Variants in HEATR4 observed in about 807,000 individuals in gnomAD.
The protein encoded by HEATR4 is HEAT repeat containing 4.
Under a neutral mutation model 108.8 loss-of-function variants are expected in HEATR4, and 95 were observed. The observed-to-expected ratio is 0.87, with a 90% CI of 0.74 to 1.04. HEATR4 has a LOEUF of 1.04. Among genes scored for constraint, HEATR4 ranks in the 50% least tolerant of loss-of-function variants. The pLI, the probability that HEATR4 is intolerant of heterozygous loss-of-function variation, is 0.00. For missense variants in HEATR4, 1,152 were observed against 1,253.8 expected (o/e 0.92, Z 1.23); for synonymous variants, 443 against 459.4 (o/e 0.96, Z 0.46).
At chr14:73,581,218 AAAC>A in the HEATR4 span, 2 of 151,428 alleles carry the variant, frequency 1.3e-5, no homozygotes, top group African/African-American at 4.9e-5. Flanking sequence ...GGTAATTTAT[AAAC>A]AACAGAAATG....
intron 7 of HEATR4, among the ~76,000 whole-genome samples, chr14:73,510,362 A>G (rs1887169466): frequency 6.6e-6 from 1 of 152,010 alleles, no homozygotes; most frequent in African/African-American, 2.4e-5. Context: ...CCAGAAGAAT[A>G]TGGGACAGGA....
chr14:73,508,804 G>C (rs1887017047), intron 8 of HEATR4, among the ~76,000 whole-genome samples: 1 of 150,148 alleles, frequency 6.7e-6, no homozygotes, highest in African/African-American at 2.5e-5. Flanking sequence ...CTTGGTGGCA[G>C]TGTACCTGTT....
At position 73,508,280 on chromosome 14, in the gene HEATR4, T is replaced by C. The variant is rs967880331; in HGVS notation, c.1735A>G (p.Ser579Gly). 3 of 1,613,760 alleles carry C rather than the reference T, an allele frequency of 1.9e-6. No homozygotes were observed. The African/African-American group carries it at 4.0e-5, about 22-fold the overall frequency. ...TALLKGNSVD[S>G]WAAAQCLALE... ...GCCAAGCACTGAGCTGCAGCCCAGC[T>C]ATCCACACTGTTACCTGCCACAGTT... The change falls in exon 9 of 18, where the codon AGC becomes GGC. Residue 579 changes from serine to glycine, a missense_variant. Ser to Gly is a moderately conservative substitution (Grantham distance 56). Coordinates refer to ENST00000553558, the MANE Select transcript of HEATR4 (RefSeq NM_001220484.1).
the HEATR4 span, among the ~76,000 whole-genome samples, chr14:73,576,505 TTAAA>T: frequency 6.6e-6 from 1 of 151,922 alleles, no homozygotes; most frequent in Non-Finnish European, 1.5e-5. Flanking sequence ...AAATGTGAAG[TTAAA>T]TAACAATTTA....
At position 73,500,656 on chromosome 14, in the gene HEATR4, G is replaced by T. The variant is rs1362563520; in HGVS notation, c.2180C>A (p.Thr727Asn). Residue 727 changes from threonine to asparagine, a missense_variant, in exon 12 of 18, where the codon ACC becomes AAC. Physicochemically the swap from Thr to Asn is moderately conservative, Grantham distance 65. Transcript: ENST00000553558. The part of the protein sequence containing the change: ...LYLIGELKLM[T>N]AKLLPSFLHC... ...CAGGAAGCTTGGGAGAAGCTTGGCG[G>T]TCATAAGCTTGAGCTCACCTATCAG... 3.1e-6 allele frequency: 5 copies of T among 1,614,084 alleles called. No individual in the cohort carries two copies. The Admixed American group carries it at 8.3e-5, about 27-fold the overall frequency.
the HEATR4 span, among the ~76,000 whole-genome samples, chr14:73,566,674 C>T: frequency 1.3e-5 from 2 of 152,158 alleles, no homozygotes; most frequent in East Asian, 1.9e-4. Flanking sequence ...CCAGCTGGCC[C>T]GCAAGTGCGG....
At chr14:73,580,138 GTTGT>G in the HEATR4 span, among the ~76,000 whole-genome samples, 6 of 151,902 alleles carry the variant, frequency 3.9e-5, no homozygotes, top group African/African-American at 1.4e-4. Flanking sequence ...GGGGCAGGGG[GTTGT>G]TTTTGTTTTA....
At chr14:73,495,498 A>G (rs1886064121) in intron 15 of HEATR4, 111 bp from the exon 16 acceptor site, 1 of 860,708 alleles carries the variant, frequency 1.2e-6, no homozygotes, top group African/African-American at 1.7e-5. Context: ...AGGGAGGATC[A>G]CTTGAGCCCA....
At chr14:73,596,890 C>T in the HEATR4 span, among the ~76,000 whole-genome samples, 4 of 151,636 alleles carry the variant, frequency 2.6e-5, no homozygotes, top group South Asian at 2.1e-4. Context: ...TGAGCCACCG[C>T]GCCCAGCTTA....
intron 1 of HEATR4, among the ~76,000 whole-genome samples, chr14:73,552,052 G>A (rs1209889320): frequency 8.7e-6 from 1 of 114,326 alleles, no homozygotes; most frequent in Non-Finnish European, 1.9e-5. Context: ...TTGACCTTCA[G>A]GTGCCCGGTC....
the HEATR4 span, among the ~76,000 whole-genome samples, chr14:73,585,844 A>G: frequency 7.2e-6 from 1 of 138,382 alleles, no homozygotes; most frequent in Non-Finnish European, 1.5e-5. Flanking sequence ...TTTTGAGATA[A>G]GAGTCTTGCT....
chr14:73,517,797 A>G (rs979815455), intron 5 of HEATR4, among the ~76,000 whole-genome samples: 2 of 151,796 alleles, frequency 1.3e-5, no homozygotes, highest in Non-Finnish European at 1.5e-5. Context: ...GGAAGGAGAA[A>G]AGAAAAAGAG....
rs1418942340 is a variant in HEATR4 at position 73,492,468 on chromosome 14, T to C, written c.2844+598A>G. On this transcript the variant is annotated intron_variant, in intron 17 of 17. Coordinates refer to ENST00000553558, the MANE Select transcript of HEATR4 (RefSeq NM_001220484.1). This position sits in a 1 kb window ranked among gnomAD's most constrained non-coding sequence, Gnocchi z 4.9. ...GCTTTCATGGAGAAGGTGCGGGTCT[T>C]GGTTGCCCGCCTGGGACACTTTGCT... 6.2e-6 allele frequency: 10 copies of C among 1,613,644 alleles called. No individual in the cohort carries two copies. The highest frequency in any genetic ancestry group is 7.6e-6 in the Non-Finnish European group (9 of 1,179,824).
Position 73,524,310 on chromosome 14 carries a change from A to AAAAAAATAT in HEATR4, c.-72-1087_-72-1086insATATTTTTT. Among the ~76,000 whole-genome samples, 255 of 54,744 alleles carry AAAAAAATAT rather than the reference A, an allele frequency of 4.7e-3. 4 individuals carry two copies. Among genetic ancestry groups the AAAAAAATAT allele is most frequent in the Non-Finnish European group, 5.8e-3 (185 of 32,086 alleles). 35.9% of individuals were successfully genotyped at this position (54,744 alleles called of 152,430 possible). On this transcript the variant is annotated intron_variant, in intron 2 of 17. Coordinates refer to ENST00000553558, the MANE Select transcript of HEATR4 (RefSeq NM_001220484.1). ...CTCCGTCTCAAAAAAAAAAAAAAAA[A>AAAAAAATAT]ATATATATATATATATATATATATA... is the stretch of plus-strand genomic sequence containing the variant.
the HEATR4 span, chr14:73,612,938 G>A: frequency 1.5e-6 from 2 of 1,319,980 alleles, no homozygotes; most frequent in Non-Finnish European, 2.0e-6. Flanking sequence ...GCTGTGCCTG[G>A]CGCAGAACAA....
intron 7 of HEATR4, among the ~76,000 whole-genome samples, chr14:73,510,215 GT>G (rs1208605759): frequency 2.0e-5 from 3 of 151,998 alleles, no homozygotes; most frequent in Middle Eastern, 3.4e-3. Flanking sequence ...ATAATATAGT[GT>G]TTTTACATTA....
the HEATR4 span, among the ~76,000 whole-genome samples, chr14:73,564,748 A>G: frequency 1.3e-4 from 7 of 53,686 alleles, no homozygotes; most frequent in African/African-American, 3.2e-4. Context: ...TTTTTTTTTT[A>G]GAGATGAGAT....
chr14:73,554,056 A>G (rs1343707214), intron 1 of HEATR4, among the ~76,000 whole-genome samples: 1 of 115,024 alleles, frequency 8.7e-6, no homozygotes, highest in Non-Finnish European at 1.9e-5. Context: ...TGGCTTACTC[A>G]TGTAATCACG....
chr14:73,610,654 T>C, the HEATR4 span, among the ~76,000 whole-genome samples: 5 of 152,074 alleles, frequency 3.3e-5, no homozygotes, highest in African/African-American at 1.2e-4. Context: ...CTGGAGGGCA[T>C]ATGAAATGTA....
Sources: allele counts gnomAD v4.1 joint callset (sites outside exome capture counted in the v4.1 genomes callset), GRCh38; gene constraint gnomAD v4.1.1; non-coding constraint Gnocchi (gnomAD v3.1); transcripts MANE v1.5; gene names NCBI Gene and HGNC (gene_info 2026-07-23, HGNC 2026-07-21).